Variants in FOXO3 observed in about 807,000 individuals in gnomAD.
FOXO3 encodes the protein forkhead box protein O3.
Under a neutral mutation model 41.9 loss-of-function variants are expected in FOXO3, and 4 were observed. The ratio of observed to expected loss-of-function variants is 0.10; its 90% confidence interval spans 0.05 to 0.22. FOXO3 has a LOEUF of 0.22. Among genes scored for constraint, FOXO3 ranks in the 10% least tolerant of loss-of-function variants. FOXO3 has a pLI of 1.00. For synonymous variants in FOXO3, 318 were observed against 389.3 expected (o/e 0.82, Z 2.16); for missense variants, 534 against 906.8 (o/e 0.59, Z 5.28).
At chr6:108,632,804 CCTT>C (rs1272046554) in intron 1 of FOXO3, among the ~76,000 whole-genome samples, 3 of 152,066 alleles carry the variant, frequency 2.0e-5, no homozygotes, top group Non-Finnish European at 4.4e-5. Context: ...ATTTTTTTCC[CCTT>C]CTTTTGGAGG....
rs187933331 is a variant in FOXO3, at chr6:108,573,964, C to T, written c.621+12135C>T. Among the ~76,000 whole-genome samples the T allele has an allele frequency of 3.8e-3, 579 of 151,812 alleles. 12 individuals are homozygous for T. The highest frequency in any genetic ancestry group is 0.027 in the Middle Eastern group (8 of 294). On this transcript the variant is annotated intron_variant, in intron 1 of 2. Transcript: ENST00000406360. ...GTCAGGAGTTCAAGACCAGCCTGAC[C>T]AAGATGGTGAAATCCCGTCTCTACT...
chr6:108,588,487 A>AT (rs2128362218), intron 1 of FOXO3, among the ~76,000 whole-genome samples: 1 of 152,338 alleles, frequency 6.6e-6, no homozygotes, highest in East Asian at 1.9e-4. Context: ...TAGTTATAAA[A>AT]TTATAAAGAA....
intron 1 of FOXO3, among the ~76,000 whole-genome samples, chr6:108,626,445 G>A (rs1247049643): frequency 3.3e-5 from 5 of 152,042 alleles, no homozygotes; most frequent in Non-Finnish European, 7.4e-5. Flanking sequence ...TTATTCTTAG[G>A]CTAATGTCTT....
intron 1 of FOXO3, among the ~76,000 whole-genome samples, chr6:108,574,748 G>A (rs1239622949): frequency 6.6e-6 from 1 of 152,172 alleles, no homozygotes; most frequent in East Asian, 1.9e-4. Flanking sequence ...TAAAATGGTG[G>A]TTTTAATTGG....
rs1282268054 is a variant in FOXO3 at position 108,578,282 on chromosome 6, G to T, written c.621+16453G>T. ...CCAGGTGATTCTACTGCAAGCTGAG[G>T]GTTCAGAACCACTCTTTTAAAGTCA... is the stretch of plus-strand genomic sequence containing the variant. On this transcript the variant is annotated intron_variant, in intron 1 of 2. Coordinates refer to ENST00000406360, the MANE Select transcript of FOXO3 (RefSeq NM_001455.4). Among the ~76,000 whole-genome samples, 4 of 152,134 alleles carry T rather than the reference G, an allele frequency of 2.6e-5. No individual in the cohort carries two copies. In the South Asian group the frequency reaches 6.2e-4, roughly 24 times the overall value.
intron 2 of FOXO3, among the ~76,000 whole-genome samples, chr6:108,665,306 ACT>A (rs760380202): frequency 2.6e-5 from 4 of 151,922 alleles, no homozygotes; most frequent in African/African-American, 4.8e-5. Flanking sequence ...TCCTAGAAAG[ACT>A]CTCTGGTCCG....
intron 1 of FOXO3, 95 bp downstream of exon 1, chr6:108,561,924 C>T: frequency 1.4e-6 from 2 of 1,457,096 alleles, no homozygotes; most frequent in South Asian, 2.9e-5. Context: ...TTGCGGGCTC[C>T]AGGGCAAGGG....
At chr6:108,599,385 T>C (rs1361220928) in intron 1 of FOXO3, among the ~76,000 whole-genome samples, 1 of 152,258 alleles carries the variant, frequency 6.6e-6, no homozygotes, top group Non-Finnish European at 1.5e-5. Context: ...TGTGGATTTA[T>C]ATTTTGAATA....
intron 1 of FOXO3, among the ~76,000 whole-genome samples, chr6:108,617,475 T>G (rs1019153288): frequency 6.6e-6 from 1 of 152,152 alleles, no homozygotes; most frequent in African/African-American, 2.4e-5. Context: ...ATTCTTTTTT[T>G]TTTAGAGTAG....
intron 1 of FOXO3, among the ~76,000 whole-genome samples, chr6:108,582,521 G>C (rs886126403): frequency 9.9e-5 from 15 of 152,184 alleles, no homozygotes; most frequent in African/African-American, 3.6e-4. Context: ...GTTCCTAAAA[G>C]AAAATAAATG....
intron 1 of FOXO3, among the ~76,000 whole-genome samples, chr6:108,576,276 TGA>T (rs1320304362): frequency 1.2e-4 from 19 of 152,326 alleles, no homozygotes; most frequent in Non-Finnish European, 2.5e-4. Context: ...AAAGACTAGG[TGA>T]TTTGGGCCAT....
intron 1 of FOXO3, among the ~76,000 whole-genome samples, chr6:108,648,228 T>TGA (rs1342119203): frequency 6.6e-6 from 1 of 152,154 alleles, no homozygotes; most frequent in Non-Finnish European, 1.5e-5. Flanking sequence ...TGCCTTGAGA[T>TGA]GAGGCAGCCC....
intron 1 of FOXO3, among the ~76,000 whole-genome samples, chr6:108,599,738 G>A (rs965011083): frequency 6.6e-6 from 1 of 152,280 alleles, no homozygotes; most frequent in Non-Finnish European, 1.5e-5. Flanking sequence ...TGAGAAGCAA[G>A]CCCACCCCAC....
Position 108,586,623 on chromosome 6 carries a change from G to T in FOXO3, c.621+24794G>T, listed in dbSNP as rs181930003. Among the ~76,000 whole-genome samples the T allele has an allele frequency of 2.6e-5, 4 of 152,294 alleles. No individual in the cohort carries two copies. In the East Asian group the frequency reaches 7.7e-4, roughly 29 times the overall value. The stretch of plus-strand genomic sequence containing the variant: ...AGGTTCTTGGAGGACCCTATGGGAG[G>T]AAACCCTGGACAGGTAGGAAAACTG... On this transcript the variant is annotated intron_variant, in intron 1 of 2. Coordinates refer to ENST00000406360, the MANE Select transcript of FOXO3 (RefSeq NM_001455.4).
At chr6:108,650,279 C>T (rs1353184571) in intron 1 of FOXO3, among the ~76,000 whole-genome samples, 1 of 152,084 alleles carries the variant, frequency 6.6e-6, no homozygotes, top group Non-Finnish European at 1.5e-5. Context: ...GTGGGCTCAC[C>T]CTCCAACTCT....
rs185885288 is a variant in FOXO3, at chr6:108,563,314, C to A, written c.621+1485C>A. ...TTGATATTAATCCACTAATGTGTCT[C>A]ATTTCTTTTAACAAATGCTTACATT... On this transcript the variant is annotated intron_variant, in intron 1 of 2. Transcript: ENST00000406360. 1.8e-4 allele frequency among the ~76,000 whole-genome samples: 28 copies of A among 152,346 alleles called. 1 individual carries two copies. In the East Asian group the frequency reaches 4.6e-3, roughly 25 times the overall value.
intron 2 of FOXO3, among the ~76,000 whole-genome samples, chr6:108,673,984 A>G (rs61192764): frequency 0.15 from 22,566 of 152,204 alleles, 1,861 homozygotes; most frequent in South Asian, 0.29. Flanking sequence ...AAGGATATCT[A>G]TGGTGGGATG....
chr6:108,569,780 A>AG, intron 1 of FOXO3, among the ~76,000 whole-genome samples: 1 of 152,248 alleles, frequency 6.6e-6, no homozygotes, highest in East Asian at 1.9e-4. Context: ...GCACATGTGT[A>AG]GGGGGCAAGG....
intron 1 of FOXO3, among the ~76,000 whole-genome samples, chr6:108,585,704 C>T (rs536189272): frequency 2.0e-4 from 30 of 152,334 alleles, no homozygotes; most frequent in Non-Finnish European, 3.4e-4. Flanking sequence ...TAGAGTGCTT[C>T]AGAGGCTACT....
Sources: gnomAD v4.1 joint callset for allele counts (sites outside exome capture counted in the v4.1 genomes callset) on GRCh38, gnomAD v4.1.1 for gene constraint, MANE v1.5 for transcripts, NCBI Gene and HGNC (gene_info 2026-07-23, HGNC 2026-07-21) for gene names.